ADAMTS19: variants seen among roughly 807,000 people sequenced by gnomAD.
ADAMTS19 encodes the protein ADAM metallopeptidase with thrombospondin type 1 motif 19.
Under a neutral mutation model 153.3 loss-of-function variants are expected in ADAMTS19, and 93 were observed. That is an observed-to-expected ratio of 0.61 (90% CI 0.51 to 0.72). The LOEUF (loss-of-function observed/expected upper bound fraction) is 0.72, where lower values mean the gene tolerates loss of function less well. ADAMTS19 is among the 30% of genes least tolerant of loss of function. The pLI is 0.00. For missense variants in ADAMTS19, 1,482 were observed against 1,552.1 expected, an observed-to-expected ratio of 0.95 and a Z score of 0.76; for synonymous variants, 600 against 556.6, an observed-to-expected ratio of 1.08 and a Z score of -1.10.
chr5:129,479,616 G>A (rs764288826), intron 2 of ADAMTS19, among the ~76,000 whole-genome samples: 1 of 152,068 alleles, frequency 6.6e-6, no homozygotes, highest in Non-Finnish European at 1.5e-5. Context: ...CAAGATGGCG[G>A]GATACAAGTT....
Position 129,720,173 on chromosome 5 carries a change from TA to T in ADAMTS19, c.3313-14758del, listed in dbSNP as rs1305812999. On this transcript the variant is annotated intron_variant, in intron 21 of 22. Coordinates refer to ENST00000274487, the MANE Select transcript of ADAMTS19 (RefSeq NM_133638.6). ...GTATATATATATATATATATATATTTATTTTTTTTTTTTTTGGAGACAAAGT... is the reference window on the plus strand; with the variant it reads ...GTATATATATATATATATATATATTTTTTTTTTTTTTTTTGGAGACAAAGT... 9.4e-3 allele frequency among the ~76,000 whole-genome samples: 1,154 copies of T among 122,578 alleles called. 6 individuals are homozygous for T. The highest frequency in any genetic ancestry group is 0.012 in the Non-Finnish European group (737 of 63,378). 80.4% of individuals were successfully genotyped at this position (122,578 alleles called of 152,430 possible).
At chr5:129,570,880 TA>T (rs1184926039) in intron 7 of ADAMTS19, among the ~76,000 whole-genome samples, 1 of 151,840 alleles carries the variant, frequency 6.6e-6, no homozygotes, top group African/African-American at 2.4e-5. Flanking sequence ...ATTCATGGTT[TA>T]AAAAACTCTC....
intron 2 of ADAMTS19, among the ~76,000 whole-genome samples, chr5:129,503,695 G>C (rs138246488): frequency 0.016 from 2,418 of 152,152 alleles, 20 homozygotes; most frequent in Non-Finnish European, 0.024. Context: ...GTGGGTGGTA[G>C]TGGGTGCCTG....
At chr5:129,465,055 A>G (rs982577284) in intron 2 of ADAMTS19, among the ~76,000 whole-genome samples, 1 of 152,214 alleles carries the variant, frequency 6.6e-6, no homozygotes, top group Non-Finnish European at 1.5e-5. Context: ...AGGGAAATAC[A>G]ATAGGTTGAG....
chr5:129,579,380 C>G (rs994474461), intron 7 of ADAMTS19, among the ~76,000 whole-genome samples: 14 of 152,094 alleles, frequency 9.2e-5, no homozygotes, highest in African/African-American at 3.4e-4. Flanking sequence ...TTGTCCCATT[C>G]TTTAGGTTGC....
At chr5:129,507,897 C>A (rs917038798) in intron 2 of ADAMTS19, among the ~76,000 whole-genome samples, 1 of 151,652 alleles carries the variant, frequency 6.6e-6, no homozygotes, top group African/African-American at 2.4e-5. Flanking sequence ...GATTTACCCT[C>A]GATTTACTTT....
intron 10 of ADAMTS19, among the ~76,000 whole-genome samples, chr5:129,641,466 T>C (rs1156579049): frequency 6.6e-6 from 1 of 152,158 alleles, no homozygotes; most frequent in African/African-American, 2.4e-5. Flanking sequence ...GAATAGACCT[T>C]AGGGCAGCAG....
intron 7 of ADAMTS19, among the ~76,000 whole-genome samples, chr5:129,558,055 C>G (rs547800766): frequency 1.8e-5 from 2 of 113,630 alleles, no homozygotes; most frequent in Non-Finnish European, 3.7e-5. Flanking sequence ...AAAACACATT[C>G]ATGATAAAAA....
chr5:129,626,117 A>G (rs1752032901), intron 10 of ADAMTS19, among the ~76,000 whole-genome samples: 1 of 152,162 alleles, frequency 6.6e-6, no homozygotes, highest in African/African-American at 2.4e-5. Context: ...TAGAGCAGTT[A>G]AATAATACTT....
chr5:129,539,189 T>TTGCAAATG (rs1316081818), intron 6 of ADAMTS19, among the ~76,000 whole-genome samples: 1 of 152,048 alleles, frequency 6.6e-6, no homozygotes, highest in African/African-American at 2.4e-5. Flanking sequence ...CAAGGGGACT[T>TTGCAAATG]TGCAAATGTG....
chr5:129,623,901 A>T (rs1331612951), intron 10 of ADAMTS19, among the ~76,000 whole-genome samples: 1 of 151,822 alleles, frequency 6.6e-6, no homozygotes, highest in South Asian at 2.1e-4. Context: ...CGGGCGGATC[A>T]CGAGGTCAGG....
chr5:129,579,785 G>A (rs577778995), intron 7 of ADAMTS19, among the ~76,000 whole-genome samples: 11 of 152,070 alleles, frequency 7.2e-5, no homozygotes, highest in Admixed American at 2.0e-4. Context: ...GTTCTGTCCC[G>A]TTGGTCTATA....
intron 16 of ADAMTS19, among the ~76,000 whole-genome samples, chr5:129,671,418 A>T (rs530669303): frequency 2.8e-4 from 42 of 152,330 alleles, no homozygotes; most frequent in African/African-American, 1.0e-3. Flanking sequence ...TTGAAATCAC[A>T]GATTTCAGGC....
chr5:129,711,955 G>T (rs1756499804), intron 21 of ADAMTS19, among the ~76,000 whole-genome samples: 1 of 151,680 alleles, frequency 6.6e-6, no homozygotes, highest in Non-Finnish European at 1.5e-5. Context: ...AATACACTTT[G>T]GGTGACTTCA....
intron 8 of ADAMTS19, among the ~76,000 whole-genome samples, chr5:129,611,503 A>C (rs568587183): frequency 1.3e-5 from 2 of 152,202 alleles, no homozygotes; most frequent in Non-Finnish European, 2.9e-5. Flanking sequence ...AGCTTTCTAC[A>C]TATGGCTAGC....
intron 3 of ADAMTS19, among the ~76,000 whole-genome samples, chr5:129,522,907 T>G (rs939865403): frequency 6.6e-6 from 1 of 151,838 alleles, no homozygotes; most frequent in African/African-American, 2.4e-5. Flanking sequence ...ACTACAAAAA[T>G]TAGCTGGGCA....
chr5:129,562,471 T>A (rs572561904), intron 7 of ADAMTS19, among the ~76,000 whole-genome samples: 1 of 152,290 alleles, frequency 6.6e-6, no homozygotes, highest in Non-Finnish European at 1.5e-5. Context: ...ACTACAAATG[T>A]CAACACAGTT....
chr5:129,550,512 A>T (rs975876207), intron 6 of ADAMTS19, among the ~76,000 whole-genome samples: 1 of 149,630 alleles, frequency 6.7e-6, no homozygotes. Context: ...GTATCTATAC[A>T]TATCTGTATA....
chr5:129,509,329 T>C, intron 3 of ADAMTS19, 87 bp downstream of exon 3: 1 of 1,125,756 alleles, frequency 8.9e-7, no homozygotes, highest in Admixed American at 2.6e-5. Flanking sequence ...ATTTACTAGC[T>C]TTACTTATTT....
Sources: allele counts gnomAD v4.1 joint callset (sites outside exome capture counted in the v4.1 genomes callset), GRCh38; gene constraint gnomAD v4.1.1; transcripts MANE v1.5; gene names NCBI Gene and HGNC (gene_info 2026-07-23, HGNC 2026-07-21).